The following NLGN4X variants were observed in gnomAD, a reference collection of about 807,000 sequenced individuals.
The protein encoded by NLGN4X is neuroligin 4 X-linked.
Under a neutral mutation model 40.3 loss-of-function variants are expected in NLGN4X, and 3 were observed. The ratio of observed to expected loss-of-function variants is 0.07; its 90% CI spans 0.03 to 0.19. NLGN4X has a LOEUF of 0.19. NLGN4X is among the 10% of genes least tolerant of loss of function. NLGN4X has a pLI of 1.00. For synonymous variants in NLGN4X, 270 were observed against 306.8 expected, an observed-to-expected ratio of 0.88 and a Z score of 1.25; for missense variants, 382 against 708.3, an observed-to-expected ratio of 0.54 and a Z score of 5.23.
chrX:6,138,645 G>A (rs1027352375), intron 2 of NLGN4X, among the ~76,000 whole-genome samples: 2 of 111,528 alleles, frequency 1.8e-5, no homozygotes, highest in Admixed American at 9.6e-5. Flanking sequence ...GGGCAGACTC[G>A]TAAAATGGTG....
intron 3 of NLGN4X, among the ~76,000 whole-genome samples, chrX:5,991,040 A>G (rs1206267072): frequency 9.0e-6 from 1 of 111,625 alleles, no homozygotes; most frequent in Non-Finnish European, 1.9e-5. Flanking sequence ...TGGATTGCAG[A>G]ATGGTTTCCC....
chrX:6,150,373 G>A (rs1356241656), intron 2 of NLGN4X, among the ~76,000 whole-genome samples: 1 of 112,208 alleles, frequency 8.9e-6, no homozygotes, highest in Admixed American at 9.5e-5. Flanking sequence ...CATCTCTAAT[G>A]TAGCTAGAAT....
chrX:6,220,734 C>CT (rs774553248), intron 1 of NLGN4X, among the ~76,000 whole-genome samples: 713 of 66,649 alleles, frequency 0.011, 25 homozygotes, highest in Non-Finnish European at 0.014. Context: ...TTATAACTTT[C>CT]TTTTTTTTTT....
At chrX:5,990,533 G>A (rs1471101474) in intron 3 of NLGN4X, among the ~76,000 whole-genome samples, 4 of 111,951 alleles carry the variant, frequency 3.6e-5, no homozygotes, top group Non-Finnish European at 7.5e-5. Flanking sequence ...AAGACAGGCA[G>A]AAGAATTATA....
chrX:6,035,217 C>T (rs2036971800), intron 2 of NLGN4X, among the ~76,000 whole-genome samples: 1 of 111,587 alleles, frequency 9.0e-6, no homozygotes, highest in Non-Finnish European at 1.9e-5. Context: ...TGGCAAATCT[C>T]CTCTCCCAGT....
chrX:5,979,097 C>T (rs961769873), intron 3 of NLGN4X, among the ~76,000 whole-genome samples: 4 of 111,593 alleles, frequency 3.6e-5, no homozygotes, highest in Non-Finnish European at 7.5e-5. Flanking sequence ...GCTCCTCCTC[C>T]TCATCTCAGG....
At chrX:6,202,554 T>A (rs1364992750) in intron 1 of NLGN4X, among the ~76,000 whole-genome samples, 2 of 109,686 alleles carry the variant, frequency 1.8e-5, no homozygotes, top group African/African-American at 6.7e-5. Context: ...CCCCGGCTGG[T>A]CTCCAACTCC....
At chrX:5,973,569 TC>T (rs1316394780) in intron 3 of NLGN4X, among the ~76,000 whole-genome samples, 1 of 112,297 alleles carries the variant, frequency 8.9e-6, no homozygotes, top group Non-Finnish European at 1.9e-5. Context: ...ATGCCTGTAA[TC>T]CCAGCACTTT....
chrX:5,985,242 G>C (rs1249367209), intron 3 of NLGN4X, among the ~76,000 whole-genome samples: 2 of 109,636 alleles, frequency 1.8e-5, no homozygotes, highest in African/African-American at 6.6e-5. Context: ...GAAGGAAATG[G>C]AGTAATGTTA....
intron 2 of NLGN4X, among the ~76,000 whole-genome samples, chrX:6,084,706 A>C (rs371207408): frequency 9.1e-6 from 1 of 110,218 alleles, no homozygotes; most frequent in East Asian, 2.9e-4. Flanking sequence ...TGTTTAGGTA[A>C]CAAAGGCTCT....
rs1466029763 is a variant in NLGN4X at position 6,118,312 on chromosome X, T to C, written c.472+32683A>G. Among the ~76,000 whole-genome samples, 8 of 111,423 alleles carry C rather than the reference T, an allele frequency of 7.2e-5. No homozygotes were observed. In the Admixed American group the frequency reaches 7.7e-4, roughly 11 times the overall value. On this transcript the variant is annotated intron_variant, in intron 2 of 5. Coordinates refer to ENST00000381095, the MANE Select transcript of NLGN4X (RefSeq NM_181332.3). ...ACCTCTCTCTTCATGTCCACACTACTGTACCCAGCTGTCTCTAAGACATCT... is the reference window on the plus strand; with the variant it reads ...ACCTCTCTCTTCATGTCCACACTACCGTACCCAGCTGTCTCTAAGACATCT...
chrX:6,149,961 TA>T (rs754296118), intron 2 of NLGN4X, among the ~76,000 whole-genome samples: 1,269 of 96,925 alleles, frequency 0.013, 15 homozygotes, highest in African/African-American at 0.034. Context: ...GATTGAAGTT[TA>T]AAAAAAAAAA....
chrX:6,035,652 C>T (rs376922534), intron 2 of NLGN4X, among the ~76,000 whole-genome samples: 7 of 111,174 alleles, frequency 6.3e-5, no homozygotes, highest in Admixed American at 9.6e-5. Context: ...TTATAATTGA[C>T]GCTTGAACAA....
intron 3 of NLGN4X, among the ~76,000 whole-genome samples, chrX:5,992,657 G>A (rs190085826): frequency 1.8e-5 from 2 of 111,534 alleles, no homozygotes; most frequent in East Asian, 2.8e-4. Context: ...TCTTCGGGGT[G>A]TACAAGAAGC....
intron 1 of NLGN4X, among the ~76,000 whole-genome samples, chrX:6,196,409 G>A (rs931324349): frequency 1.2e-4 from 13 of 108,899 alleles, no homozygotes; most frequent in Admixed American, 2.9e-4. Flanking sequence ...ACAATTAGCC[G>A]GGCGTGGTGG....
At chrX:6,196,604 C>T (rs1358219235) in intron 1 of NLGN4X, among the ~76,000 whole-genome samples, 1 of 98,745 alleles carries the variant, frequency 1.0e-5, no homozygotes, top group Admixed American at 1.1e-4. Flanking sequence ...TAGTCATCTA[C>T]CTGGTGAGTC....
chrX:6,147,613 A>G (rs1254006099), intron 2 of NLGN4X, among the ~76,000 whole-genome samples: 1 of 110,062 alleles, frequency 9.1e-6, no homozygotes, highest in African/African-American at 3.3e-5. Flanking sequence ...CATATTCTGC[A>G]TTGCTTCCTC....
intron 1 of NLGN4X, among the ~76,000 whole-genome samples, chrX:6,172,755 G>T (rs1339038673): frequency 8.9e-6 from 1 of 111,838 alleles, no homozygotes; most frequent in African/African-American, 3.2e-5. Flanking sequence ...TGTGTGGATA[G>T]CCAGGGGTCC....
intron 3 of NLGN4X, among the ~76,000 whole-genome samples, chrX:5,964,466 C>G (rs573003826): frequency 1.6e-4 from 18 of 111,765 alleles, no homozygotes; most frequent in African/African-American, 5.8e-4. Flanking sequence ...AATTAATGCC[C>G]TCAAAGCATA....
Sources: allele counts gnomAD v4.1 joint callset (sites outside exome capture counted in the v4.1 genomes callset), GRCh38; gene constraint gnomAD v4.1.1; transcripts MANE v1.5; gene names NCBI Gene and HGNC (gene_info 2026-07-23, HGNC 2026-07-21).